CCDC148: variants seen among roughly 807,000 people sequenced by gnomAD.
The protein encoded by CCDC148 is coiled-coil domain containing 148.
CCDC148 carries 89 observed loss-of-function variants against 85.7 expected under a neutral mutation model. The observed-to-expected ratio is 1.04, with a 90% CI of 0.87 to 1.24. CCDC148 has a LOEUF of 1.24. Among genes scored for constraint, CCDC148 ranks in the 50% most tolerant of loss-of-function variants. CCDC148 has a pLI of 0.00. For missense variants in CCDC148, 692 were observed against 671.7 expected (o/e 1.03, Z -0.33); for synonymous variants, 230 against 213.9 (o/e 1.08, Z -0.66).
At chr2:158,328,239 C>T (rs1692891633) in intron 7 of CCDC148, among the ~76,000 whole-genome samples, 1 of 152,108 alleles carries the variant, frequency 6.6e-6, no homozygotes, top group Non-Finnish European at 1.5e-5. Context: ...GTTCAATTCC[C>T]ACCTATGACT....
At position 158,369,290 on chromosome 2, in the gene CCDC148, T is replaced by G. The variant is rs577753950; in HGVS notation, c.26-10720A>C. ...GTATGGCCATTTTCATGATATTGATTCCTCCTATCCATGAGCATGGAATGT... is the reference window on the plus strand; with the variant it reads ...GTATGGCCATTTTCATGATATTGATGCCTCCTATCCATGAGCATGGAATGT... On this transcript the variant is annotated intron_variant, in intron 1 of 13. Coordinates refer to ENST00000283233, the MANE Select transcript of CCDC148 (RefSeq NM_138803.4). Among the ~76,000 whole-genome samples the G allele has an allele frequency of 1.3e-4, 20 of 152,294 alleles. No individual in the cohort carries two copies. In the South Asian group the frequency reaches 3.9e-3, roughly 30 times the overall value.
chr2:158,405,421 A>G (rs2105309369), intron 1 of CCDC148, among the ~76,000 whole-genome samples: 1 of 152,308 alleles, frequency 6.6e-6, no homozygotes, highest in Non-Finnish European at 1.5e-5. Context: ...AATATGTGAC[A>G]TTCAATAAGT....
chr2:158,233,331 G>A lies in CCDC148; in HGVS notation c.1252-12618C>T, dbSNP rs1039962571. ...CATGTACTTCATTTAGATCAATGAT[G>A]GTTCCTGTACCCCCTAAAATCACCA... On this transcript the variant is annotated intron_variant, in intron 10 of 13. Transcript: ENST00000283233. Among the ~76,000 whole-genome samples the A allele has an allele frequency of 3.3e-5, 5 of 151,422 alleles. No homozygotes were observed. In the South Asian group the frequency reaches 8.4e-4, roughly 25 times the overall value.
chr2:158,343,976 T>C (rs151164421), intron 3 of CCDC148, among the ~76,000 whole-genome samples: 85 of 152,244 alleles, frequency 5.6e-4, no homozygotes, highest in African/African-American at 2.0e-3. Flanking sequence ...ATGATATGTA[T>C]ACACCTCTTC....
Position 158,309,283 on chromosome 2 carries a change from GC to G in CCDC148, c.1110+149del, listed in dbSNP as rs1329059231. 2.9e-5 allele frequency: 18 copies of G among 619,120 alleles called. 1 individual carries two copies. The highest frequency in any genetic ancestry group is 4.6e-5 in the Non-Finnish European group (17 of 368,916). The allele number at this position is 619,120 out of a possible 1,614,324, so 38.4% of individuals were successfully genotyped here. On this transcript the variant is annotated intron_variant, in intron 9 of 13. Coordinates refer to ENST00000283233, the MANE Select transcript of CCDC148 (RefSeq NM_138803.4). ...ATTGACTGTATTTGACCTAAAAAAT[GC>G]AATTTTATACAGTTCAAACTAACAG...
intron 9 of CCDC148, among the ~76,000 whole-genome samples, chr2:158,256,162 A>T (rs1689002298): frequency 6.6e-6 from 1 of 151,834 alleles, no homozygotes; most frequent in Admixed American, 6.6e-5. Context: ...ACAATTTTAC[A>T]TCAAAGTTGA....
chr2:158,217,368 G>GTTTATATATATATATATATATATATA (rs1558990175), intron 11 of CCDC148, among the ~76,000 whole-genome samples: 8 of 76,104 alleles, frequency 1.1e-4, no homozygotes, highest in African/African-American at 3.4e-4. Flanking sequence ...AATTTTGTGT[G>GTTTATATATATATATATATATATATA]TGTGTGTATA....
intron 10 of CCDC148, among the ~76,000 whole-genome samples, chr2:158,234,757 G>GA (rs1431253682): frequency 1.3e-5 from 2 of 151,978 alleles, no homozygotes; most frequent in East Asian, 3.9e-4. Context: ...TGGTCAATAA[G>GA]AAAAAAATCT....
At chr2:158,454,514 A>T (rs2105352918) in intron 1 of CCDC148, among the ~76,000 whole-genome samples, 1 of 152,360 alleles carries the variant, frequency 6.6e-6, no homozygotes, top group South Asian at 2.1e-4. Context: ...GGTTTAAGAA[A>T]GTTAAGTTGA....
At chr2:158,179,725 AT>A (rs1457190036) in intron 11 of CCDC148, among the ~76,000 whole-genome samples, 2 of 152,154 alleles carry the variant, frequency 1.3e-5, no homozygotes, top group East Asian at 3.9e-4. Flanking sequence ...CTATAATAAT[AT>A]GTCTAAATTA....
chr2:158,266,971 T>C (rs191134734), intron 9 of CCDC148, among the ~76,000 whole-genome samples: 5 of 151,218 alleles, frequency 3.3e-5, no homozygotes, highest in East Asian at 2.0e-4. Flanking sequence ...TATATACACA[T>C]ATATATATGT....
chr2:158,427,425 G>A (rs1687126269), intron 1 of CCDC148, among the ~76,000 whole-genome samples: 1 of 152,134 alleles, frequency 6.6e-6, no homozygotes, highest in African/African-American at 2.4e-5. Flanking sequence ...AACAAAGTAT[G>A]TATTTAAAGG....
At chr2:158,173,100 C>T (rs1684394367) in intron 13 of CCDC148, among the ~76,000 whole-genome samples, 1 of 151,962 alleles carries the variant, frequency 6.6e-6, no homozygotes, top group African/African-American at 2.4e-5. Context: ...AGTAGTAAAA[C>T]ATGGGGGTGC....
intron 11 of CCDC148, among the ~76,000 whole-genome samples, chr2:158,182,259 A>G (rs546845129): frequency 1.3e-5 from 2 of 152,098 alleles, no homozygotes; most frequent in Non-Finnish European, 2.9e-5. Context: ...AAAAGAGTGT[A>G]GAGTAAGAAG....
In CCDC148 at chr2:158,433,234, G is replaced by A. The variant is rs11675870; in HGVS notation, c.25+23181C>T. 9.3e-4 allele frequency among the ~76,000 whole-genome samples: 129 copies of A among 138,688 alleles called. 1 individual carries two copies. The highest frequency in any genetic ancestry group is 3.1e-3 in the African/African-American group (118 of 38,338). 91.0% of individuals were successfully genotyped at this position (138,688 alleles called of 152,430 possible). ...GAAATCAAACCACTGTACTATAGCC[G>A]GGGCAACAGAGTAAGTCCTTGACTC... On this transcript the variant is annotated intron_variant, in intron 1 of 13. Transcript: ENST00000283233.
intron 7 of CCDC148, among the ~76,000 whole-genome samples, chr2:158,320,934 A>G (rs1692492166): frequency 6.6e-6 from 1 of 152,204 alleles, no homozygotes; most frequent in Non-Finnish European, 1.5e-5. Context: ...TAAACTAGGT[A>G]TTTAAGCCGC....
intron 9 of CCDC148, among the ~76,000 whole-genome samples, chr2:158,278,522 T>A (rs1400286729): frequency 6.6e-6 from 1 of 152,224 alleles, no homozygotes; most frequent in African/African-American, 2.4e-5. Flanking sequence ...TCTCACGGAT[T>A]GCTAGCACAG....
At chr2:158,232,497 C>T (rs1687902480) in intron 10 of CCDC148, among the ~76,000 whole-genome samples, 2 of 151,820 alleles carry the variant, frequency 1.3e-5, no homozygotes, top group Admixed American at 1.3e-4. Flanking sequence ...ATTATACAAC[C>T]ATTAAATTCA....
At chr2:158,193,793 T>G (rs1685530958) in intron 11 of CCDC148, among the ~76,000 whole-genome samples, 8 of 151,974 alleles carry the variant, frequency 5.3e-5, no homozygotes, top group Admixed American at 3.3e-4. Flanking sequence ...CCTTATATTT[T>G]TAAAATAATC....
Sources: gnomAD v4.1 joint callset for allele counts (sites outside exome capture counted in the v4.1 genomes callset) on GRCh38, gnomAD v4.1.1 for gene constraint, MANE v1.5 for transcripts, NCBI Gene and HGNC (gene_info 2026-07-23, HGNC 2026-07-21) for gene names.